PDE4D: variants seen among roughly 807,000 people sequenced by gnomAD.
PDE4D encodes phosphodiesterase 4D.
Under a neutral mutation model 87.4 loss-of-function variants are expected in PDE4D, and 24 were observed. That is an observed-to-expected ratio of 0.27 (90% CI 0.20 to 0.39). The LOEUF is 0.39. Among genes scored for constraint, PDE4D ranks in the 10% least tolerant of loss-of-function variants. PDE4D has a pLI of 1.00. For missense variants in PDE4D, 714 were observed against 1,041.0 expected (o/e 0.69, Z 4.32); for synonymous variants, 384 against 383.2 (o/e 1.00, Z -0.02).
At chr5:60,323,924 G>T (rs1417992040) in intron 1 of PDE4D, among the ~76,000 whole-genome samples, 4 of 151,934 alleles carry the variant, frequency 2.6e-5, no homozygotes, top group Admixed American at 1.3e-4. Context: ...TCCCTCTGAG[G>T]TAATATGGCC....
intron 2 of PDE4D, among the ~76,000 whole-genome samples, chr5:60,147,250 G>GT (rs1455280662): frequency 2.0e-5 from 3 of 152,176 alleles, no homozygotes; most frequent in African/African-American, 7.2e-5. Context: ...ACCTTTGAAA[G>GT]TTGGTGCCTT....
intron 1 of PDE4D, among the ~76,000 whole-genome samples, chr5:59,597,021 G>A (rs934765100): frequency 1.3e-5 from 2 of 152,108 alleles, no homozygotes; most frequent in African/African-American, 4.8e-5. Context: ...CCCAAAGAGA[G>A]TAGCTGCCTT....
At chr5:59,258,148 G>C (rs1761327202) in intron 1 of PDE4D, among the ~76,000 whole-genome samples, 1 of 151,872 alleles carries the variant, frequency 6.6e-6, no homozygotes, top group Non-Finnish European at 1.5e-5. Context: ...CAAGACCTTT[G>C]TACCTGCTAT....
At chr5:59,030,001 A>C (rs1261014013) in intron 6 of PDE4D, among the ~76,000 whole-genome samples, 27 of 152,032 alleles carry the variant, frequency 1.8e-4, no homozygotes, top group Admixed American at 1.8e-3. Flanking sequence ...AAGAAACTGT[A>C]CTCTTATCTC....
intron 1 of PDE4D, among the ~76,000 whole-genome samples, chr5:60,476,409 T>C (rs1251827182): frequency 6.6e-6 from 1 of 152,076 alleles, no homozygotes; most frequent in East Asian, 1.9e-4. Flanking sequence ...CCACTGTTAC[T>C]CTCCTAACAC....
Position 59,060,246 on chromosome 5 carries a change from C to T in PDE4D, c.809-21275G>A, listed in dbSNP as rs142419514. ...ACAGTGCAATAAGATGGAAAGAGCA[C>T]GTGTCCTTGAAGACTGTACTGGATA... On this transcript the variant is annotated intron_variant, in intron 5 of 14. Transcript: ENST00000340635. 1.8e-4 allele frequency among the ~76,000 whole-genome samples: 28 copies of T among 152,222 alleles called. No homozygotes were observed. In the East Asian group the frequency reaches 3.9e-3, roughly 21 times the overall value.
chr5:60,280,999 C>T (rs1194930892), intron 1 of PDE4D, among the ~76,000 whole-genome samples: 1 of 152,138 alleles, frequency 6.6e-6, no homozygotes, highest in African/African-American at 2.4e-5. Flanking sequence ...CTGACAAGGA[C>T]GTTTCAATCA....
At chr5:59,207,196 G>T (rs550768044) in intron 2 of PDE4D, among the ~76,000 whole-genome samples, 7 of 150,328 alleles carry the variant, frequency 4.7e-5, no homozygotes, top group Admixed American at 4.0e-4. Context: ...CAAAAGAAAA[G>T]AAAAAAAAAT....
chr5:60,184,620 G>T (rs532107939), intron 2 of PDE4D, among the ~76,000 whole-genome samples: 1 of 152,156 alleles, frequency 6.6e-6, no homozygotes, highest in Non-Finnish European at 1.5e-5. Flanking sequence ...AACAAACACA[G>T]TTGGGCATAC....
chr5:60,323,364 A>G (rs1756486690), intron 1 of PDE4D, among the ~76,000 whole-genome samples: 1 of 152,198 alleles, frequency 6.6e-6, no homozygotes, highest in East Asian at 1.9e-4. Flanking sequence ...TGGTACCACC[A>G]ACTGTCAGAT....
chr5:59,236,507 C>T (rs1421881939), intron 1 of PDE4D, among the ~76,000 whole-genome samples: 2 of 152,158 alleles, frequency 1.3e-5, no homozygotes, highest in African/African-American at 2.4e-5. Flanking sequence ...GCTGTCATAG[C>T]TATTTGATGT....
intron 1 of PDE4D, among the ~76,000 whole-genome samples, chr5:60,344,170 A>T (rs940559220): frequency 6.6e-6 from 1 of 152,114 alleles, no homozygotes; most frequent in Admixed American, 6.6e-5. Context: ...GGTTAGAAGT[A>T]TATGAAAAGG....
chr5:60,417,688 AT>A lies in PDE4D; in HGVS notation c.-90+70253del, dbSNP rs540080534. Among the ~76,000 whole-genome samples the A allele has an allele frequency of 4.7e-4, 72 of 152,066 alleles. 2 individuals carry two copies. In the South Asian group the frequency reaches 0.014, roughly 30 times the overall value. ...TTAGAGCTTTAGAATATAAAGAAGA[AT>A]TTTTTTTAGAAAGCAGTTACCAAGA... On this transcript the variant is annotated intron_variant, in intron 1 of 16. Transcript: ENST00000502484.
intron 3 of PDE4D, among the ~76,000 whole-genome samples, chr5:59,189,949 AC>A (rs1743934839): frequency 6.6e-6 from 1 of 152,240 alleles, no homozygotes; most frequent in Non-Finnish European, 1.5e-5. Context: ...ATGGAGAGAT[AC>A]TATAGGATCC....
At chr5:60,067,638 T>C (rs1772248844) in intron 2 of PDE4D, among the ~76,000 whole-genome samples, 1 of 152,160 alleles carries the variant, frequency 6.6e-6, no homozygotes, top group Non-Finnish European at 1.5e-5. Flanking sequence ...AGGTACAATG[T>C]TGTATAACAG....
chr5:59,839,976 C>T (rs1742723045), intron 1 of PDE4D, among the ~76,000 whole-genome samples: 1 of 152,030 alleles, frequency 6.6e-6, no homozygotes. Flanking sequence ...AATCTGAGTT[C>T]TTGTCCTGTC....
At chr5:59,156,320 A>AAAAATATATATAT (rs548335725) in intron 5 of PDE4D, among the ~76,000 whole-genome samples, 2 of 81,770 alleles carry the variant, frequency 2.4e-5, no homozygotes, top group African/African-American at 1.0e-4. Flanking sequence ...AAAAAAAAAA[A>AAAAATATATATAT]ATATATATAT....
At chr5:59,804,666 G>A (rs962657231) in intron 1 of PDE4D, among the ~76,000 whole-genome samples, 8 of 152,246 alleles carry the variant, frequency 5.3e-5, no homozygotes, top group East Asian at 3.9e-4. Flanking sequence ...AGCTAAACTC[G>A]GAAGAGTATA....
intron 1 of PDE4D, among the ~76,000 whole-genome samples, chr5:59,424,913 G>GT (rs1388269605): frequency 6.6e-6 from 1 of 152,192 alleles, no homozygotes; most frequent in East Asian, 1.9e-4. Flanking sequence ...CTTAATATAT[G>GT]TAAGTGTATG....
Sources: gnomAD v4.1 joint callset for allele counts (sites outside exome capture counted in the v4.1 genomes callset) on GRCh38, gnomAD v4.1.1 for gene constraint, MANE v1.5 for transcripts, NCBI Gene and HGNC (gene_info 2026-07-23, HGNC 2026-07-21) for gene names.